The following PLPP3 variants were observed in gnomAD, a reference collection of about 807,000 sequenced individuals.
PLPP3 encodes the protein PAP2 beta.
In PLPP3, 6 loss-of-function variants were observed where a neutral mutation model predicts 29.6. The observed-to-expected ratio is 0.20, with a 90% CI of 0.11 to 0.40. The LOEUF (loss-of-function observed/expected upper bound fraction) is 0.40. Among genes scored for constraint, PLPP3 ranks in the 10% least tolerant of loss-of-function variants. PLPP3 has a pLI of 1.00. For synonymous variants in PLPP3, 152 were observed against 159.7 expected (o/e 0.95, Z 0.36); for missense variants, 308 against 407.7 (o/e 0.76, Z 2.11).
chr1:56,563,248 A>AT (rs1646142152), intron 1 of PLPP3, among the ~76,000 whole-genome samples: 2 of 152,188 alleles, frequency 1.3e-5, no homozygotes, highest in African/African-American at 2.4e-5. Context: ...GGAAAGGGAG[A>AT]AAAGACCTAC....
At chr1:56,562,766 A>C (rs924705881) in intron 1 of PLPP3, among the ~76,000 whole-genome samples, 17 of 152,352 alleles carry the variant, frequency 1.1e-4, no homozygotes, top group African/African-American at 3.8e-4. Context: ...TCATTTAATT[A>C]TCAGCTCAGG....
intron 4 of PLPP3, chr1:56,512,456 A>G (rs894303197): frequency 2.2e-5 from 5 of 232,212 alleles, no homozygotes; most frequent in Non-Finnish European, 3.3e-5. Flanking sequence ...TAATAAAAAT[A>G]CAAAAATTAT....
intron 1 of PLPP3, among the ~76,000 whole-genome samples, chr1:56,568,111 G>T (rs12098117): frequency 0.057 from 8,694 of 152,202 alleles, 661 homozygotes; most frequent in African/African-American, 0.17. Flanking sequence ...AAAGAAATTG[G>T]ATTCGTGGTT....
At chr1:56,523,954 TC>T in intron 3 of PLPP3, 74 bp from the exon 4 acceptor site, 1 of 1,518,994 alleles carries the variant, frequency 6.6e-7, no homozygotes, top group Non-Finnish European at 9.1e-7. Context: ...CTGTCTTCCC[TC>T]CCTAGACTGT....
chr1:56,577,396 G>T (rs1187118812), intron 1 of PLPP3, among the ~76,000 whole-genome samples: 1 of 152,152 alleles, frequency 6.6e-6, no homozygotes, highest in Admixed American at 6.5e-5. Context: ...GAACTACAGT[G>T]ACTTTTCTTC....
intron 1 of PLPP3, among the ~76,000 whole-genome samples, chr1:56,539,669 G>A (rs889196280): frequency 1.3e-5 from 2 of 152,164 alleles, no homozygotes; most frequent in Non-Finnish European, 2.9e-5. Context: ...GGAGAGGGGG[G>A]CAGGGAAAGG....
chr1:56,512,130 G>C lies in PLPP3; in HGVS notation c.656C>G (p.Thr219Ser), dbSNP rs199497649. 6.2e-7 allele frequency: 1 copy of C among 1,606,202 alleles called. No individual in the cohort carries two copies. Among genetic ancestry groups the C allele is most frequent in the Non-Finnish European group, 8.5e-7 (1 of 1,177,640 alleles). ...CCGGAGCAGGCGGGCTCCTCGCCAAGTGAAGCGGGCCTGCAGGTATAGCTG... is the reference window on the plus strand; with the variant it reads ...CCGGAGCAGGCGGGCTCCTCGCCAACTGAAGCGGGCCTGCAGGTATAGCTG... The part of the protein sequence containing the change: ...YLVLYLQARF[T>S]WRGARLLRPL... The change falls in exon 5 of 6, where the codon ACT becomes AGT. Residue 219 changes from threonine to serine, a missense_variant. Around this residue, in one of 3 missense-constraint regions of PLPP3, gnomAD observed 232 missense variants for 317.2 expected, o/e 0.73. Transcript: ENST00000371250.
chr1:56,573,672 A>C (rs1646215697), intron 1 of PLPP3, among the ~76,000 whole-genome samples: 1 of 152,206 alleles, frequency 6.6e-6, no homozygotes, highest in Non-Finnish European at 1.5e-5. Flanking sequence ...TTTATGAAAT[A>C]CTGGTGTAAT....
intron 5 of PLPP3, among the ~76,000 whole-genome samples, chr1:56,501,744 G>A (rs780315046): frequency 2.0e-4 from 30 of 152,182 alleles, no homozygotes; most frequent in Admixed American, 2.0e-4. Context: ...CCCATTCACC[G>A]TGATGAAGAG....
chr1:56,519,175 C>G (rs182674571), intron 4 of PLPP3, among the ~76,000 whole-genome samples: 1 of 152,246 alleles, frequency 6.6e-6, no homozygotes, highest in Admixed American at 6.5e-5. Context: ...TGGTTCCTAG[C>G]AGCCATCCAA....
At chr1:56,546,176 C>T (rs766097300) in intron 1 of PLPP3, among the ~76,000 whole-genome samples, 3 of 152,212 alleles carry the variant, frequency 2.0e-5, no homozygotes, top group South Asian at 2.1e-4. Context: ...GTAATAACAG[C>T]GGCTGCCTTC....
intron 1 of PLPP3, among the ~76,000 whole-genome samples, chr1:56,555,433 TAAA>T (rs66593221): frequency 3.0e-5 from 1 of 33,212 alleles, no homozygotes; most frequent in African/African-American, 1.6e-4. Flanking sequence ...GGCCAAACAC[TAAA>T]AAAAAAAAAA....
intron 1 of PLPP3, among the ~76,000 whole-genome samples, chr1:56,551,649 G>T (rs956175672): frequency 6.6e-6 from 1 of 152,136 alleles, no homozygotes; most frequent in Non-Finnish European, 1.5e-5. Flanking sequence ...GAGAGCAAAC[G>T]GCATACGTGA....
chr1:56,560,099 A>G (rs1380876870), intron 1 of PLPP3, among the ~76,000 whole-genome samples: 2 of 152,160 alleles, frequency 1.3e-5, no homozygotes, highest in Non-Finnish European at 2.9e-5. Context: ...GGCTACCTCT[A>G]TACAGAGTAT....
At chr1:56,568,790 A>G (rs1360391165) in intron 1 of PLPP3, among the ~76,000 whole-genome samples, 1 of 151,884 alleles carries the variant, frequency 6.6e-6, no homozygotes, top group Non-Finnish European at 1.5e-5. Flanking sequence ...ATGCCTGGCT[A>G]ATTTTTTTGT....
At chr1:56,503,000 G>A (rs1260226882) in intron 5 of PLPP3, among the ~76,000 whole-genome samples, 1 of 152,142 alleles carries the variant, frequency 6.6e-6, no homozygotes, top group East Asian at 1.9e-4. Flanking sequence ...ACCCTCTTTG[G>A]AGGAGAAAGC....
intron 1 of PLPP3, among the ~76,000 whole-genome samples, chr1:56,578,233 A>G (rs1297664635): frequency 3.9e-5 from 6 of 152,126 alleles, no homozygotes; most frequent in African/African-American, 1.2e-4. Context: ...CGAGTCAGAG[A>G]GTGGGCGAGC....
chr1:56,535,397 G>A (rs1032838450), intron 2 of PLPP3, among the ~76,000 whole-genome samples: 2 of 152,154 alleles, frequency 1.3e-5, no homozygotes, highest in Admixed American at 1.3e-4. Flanking sequence ...TAATTTCTTG[G>A]CTTGTGTTTC....
At position 56,523,893 on chromosome 1, in the gene PLPP3, G is replaced by A; in HGVS notation, c.576-13C>T. The A allele has an allele frequency of 1.2e-6, 2 of 1,613,126 alleles. No homozygotes were observed. The highest frequency in any genetic ancestry group is 2.2e-5 in the East Asian group (1 of 44,832). ...GAAGAAGGACTTCCTGCAAGAGCAA[G>A]AGAGGGCCATGAAAGGGCCGTATTC... On this transcript the variant is annotated splice_polypyrimidine_tract_variant and intron_variant, in intron 3 of 5. Transcript: ENST00000371250.
Sources: allele counts gnomAD v4.1 joint callset (sites outside exome capture counted in the v4.1 genomes callset), GRCh38; gene constraint gnomAD v4.1.1; regional missense constraint gnomAD v4.1.1; transcripts MANE v1.5; gene names NCBI Gene and HGNC (gene_info 2026-07-23, HGNC 2026-07-21).